PAK6: variants seen among roughly 807,000 people sequenced by gnomAD.
PAK6 encodes the protein p21 (RAC1) activated kinase 6, also known as serine/threonine-protein kinase PAK 6.
Under a neutral mutation model 60.8 loss-of-function variants are expected in PAK6, and 33 were observed. That is an observed-to-expected ratio of 0.54 (90% CI 0.41 to 0.73). The LOEUF is 0.73. Among genes scored for constraint, PAK6 ranks in the 30% least tolerant of loss-of-function variants. The pLI, the probability that PAK6 is intolerant of heterozygous loss-of-function variation, is 0.00. For synonymous variants in PAK6, 404 were observed against 378.5 expected (o/e 1.07, Z -0.78); for missense variants, 845 against 904.1 (o/e 0.93, Z 0.84).
intron 3 of PAK6, among the ~76,000 whole-genome samples, chr15:40,262,405 G>A (rs1229077203): frequency 6.6e-6 from 1 of 152,172 alleles, no homozygotes; most frequent in Non-Finnish European, 1.5e-5. Context: ...TCAGGAGGCT[G>A]AGGCAAGAGA....
At chr15:40,264,831 C>G in exon 4 of PAK6, 1 of 1,614,004 alleles carries the variant, frequency 6.2e-7, no homozygotes, top group Non-Finnish European at 8.5e-7. Flanking sequence ...CTCAGCGCCA[C>G]AGAACTTCCA....
At chr15:40,269,533 T>C (rs1393770369) in intron 5 of PAK6, among the ~76,000 whole-genome samples, 1 of 152,234 alleles carries the variant, frequency 6.6e-6, no homozygotes, top group Non-Finnish European at 1.5e-5. Flanking sequence ...TAACAATTAA[T>C]TAATTCTGTT....
intron 2 of PAK6, chr15:40,252,013 A>G (rs1407167343): frequency 5.6e-6 from 1 of 179,450 alleles, no homozygotes; most frequent in African/African-American, 2.4e-5. Context: ...GAAAGTCCTC[A>G]GGACTCAGGA....
At chr15:40,240,404 G>A (rs2038289747) in intron 1 of PAK6, 195 bp from the exon 2 acceptor site, 3 of 341,684 alleles carry the variant, frequency 8.8e-6, no homozygotes, top group African/African-American at 4.3e-5. Context: ...GGAGGAGGGG[G>A]GAGGTCCCTT....
exon 6 of PAK6, chr15:40,272,573 C>A: frequency 6.2e-7 from 1 of 1,613,338 alleles, no homozygotes. Flanking sequence ...CAGGGTGACC[C>A]CCGGCTGCTG....
chr15:40,252,578 A>G (rs1253962774), intron 2 of PAK6: 12 of 1,358,512 alleles, frequency 8.8e-6, no homozygotes, highest in Non-Finnish European at 1.2e-5. Context: ...CCGGCGCTGC[A>G]CCAACGTGTA....
chr15:40,277,229 T>C (rs965846193), exon 11 of PAK6: 1 of 152,374 alleles, frequency 6.6e-6, no homozygotes, highest in Non-Finnish European at 1.5e-5. Flanking sequence ...TGCTGTCTCC[T>C]TGTCCTCCTC....
intron 9 of PAK6, 173 bp downstream of exon 9, chr15:40,273,849 C>A: frequency 1.2e-6 from 1 of 817,090 alleles, no homozygotes; most frequent in African/African-American, 1.7e-5. Flanking sequence ...GACTTTGCTG[C>A]CAGGAACGAG....
At chr15:40,258,122 T>C (rs2038888706) in intron 3 of PAK6, among the ~76,000 whole-genome samples, 1 of 152,188 alleles carries the variant, frequency 6.6e-6, no homozygotes, top group Non-Finnish European at 1.5e-5. Context: ...GAAAAACACC[T>C]GGTTCCTTGC....
In PAK6 at chr15:40,266,081, CG is replaced by C. The variant is rs1566853779; in HGVS notation, c.449del (p.Gly150AlafsTer68). ...CCCACGGCCTCTACCTCAGCTGCAACGGGGGCACACCAGCAGGCCACAAGCA... is the reference window on the plus strand; with the variant it reads ...CCCACGGCCTCTACCTCAGCTGCAACGGGGCACACCAGCAGGCCACAAGCA... On this transcript the variant is annotated frameshift_variant, in exon 5 of 11. Coordinates refer to ENST00000560346, the Ensembl canonical transcript of PAK6. LOFTEE classifies it high-confidence loss of function. The C allele has an allele frequency of 6.2e-7, 1 of 1,610,076 alleles. No homozygotes were observed. Among genetic ancestry groups the C allele is most frequent in the East Asian group, 2.2e-5 (1 of 44,812 alleles).
exon 5 of PAK6, chr15:40,266,224 G>T: frequency 6.2e-7 from 1 of 1,610,098 alleles, no homozygotes. Flanking sequence ...CTGCAGCTGG[G>T]TGCCTGCCTG....
chr15:40,273,138 G>C, intron 7 of PAK6, 139 bp downstream of exon 7: 1 of 1,232,682 alleles, frequency 8.1e-7, no homozygotes. Context: ...CTGAGACCCA[G>C]GGGTCTTGGG....
chr15:40,273,264 G>A (rs2039359822), intron 7 of PAK6, 82 bp from the exon 8 acceptor site: 2 of 1,503,812 alleles, frequency 1.3e-6, no homozygotes, highest in Non-Finnish European at 1.8e-6. Flanking sequence ...CTAGCACCAG[G>A]GACTCCTACT....
At chr15:40,271,393 GC>G (rs1053834551) in intron 5 of PAK6, among the ~76,000 whole-genome samples, 25 of 152,212 alleles carry the variant, frequency 1.6e-4, no homozygotes, top group Admixed American at 3.9e-4. Context: ...ATGAGGATAG[GC>G]CCCCTACCTT....
chr15:40,273,283 CCA>C, intron 7 of PAK6, 61 bp from the exon 8 acceptor site: 2 of 1,575,352 alleles, frequency 1.3e-6, no homozygotes, highest in Admixed American at 3.4e-5. Flanking sequence ...CTCTGCTCAG[CCA>C]CCCCACGACC....
At chr15:40,262,416 A>C (rs531573512) in intron 3 of PAK6, among the ~76,000 whole-genome samples, 1 of 152,188 alleles carries the variant, frequency 6.6e-6, no homozygotes, top group Non-Finnish European at 1.5e-5. Flanking sequence ...AGGCAAGAGA[A>C]TCACTTGAAC....
intron 2 of PAK6, among the ~76,000 whole-genome samples, chr15:40,243,596 CG>C (rs1378006569): frequency 6.6e-6 from 1 of 152,122 alleles, no homozygotes; most frequent in African/African-American, 2.4e-5. Context: ...ATACCTTGTT[CG>C]GGGGAATCAG....
At chr15:40,252,976 C>T in intron 2 of PAK6, 1 of 623,140 alleles carries the variant, frequency 1.6e-6, no homozygotes, top group Non-Finnish European at 2.3e-6. Flanking sequence ...AGAGGGGCCG[C>T]CCCGGAAGCG....
intron 2 of PAK6, chr15:40,252,115 T>A (rs920187548): frequency 5.0e-6 from 2 of 398,998 alleles, no homozygotes; most frequent in Non-Finnish European, 8.6e-6. Context: ...TGGGGCCCTG[T>A]CCACATGGGA....
Sources: allele counts gnomAD v4.1 joint callset (sites outside exome capture counted in the v4.1 genomes callset), GRCh38; gene constraint gnomAD v4.1.1; transcripts MANE v1.5; gene names NCBI Gene and HGNC (gene_info 2026-07-23, HGNC 2026-07-21).